The following LINGO2 variants were observed in gnomAD, a reference collection of about 807,000 sequenced individuals.
The protein encoded by LINGO2 is leucine rich repeat and Ig domain containing 2.
A neutral mutation model predicts 30.6 loss-of-function variants in LINGO2; 14 were observed. The ratio of observed to expected loss-of-function variants is 0.46; its 90% CI spans 0.30 to 0.72. The LOEUF is 0.72. LINGO2 is among the 30% of genes least tolerant of loss of function. The probability of loss-of-function intolerance (pLI) is 0.07; values close to 1 mark genes in which losing one functional copy is unlikely to be tolerated. For synonymous variants in LINGO2, 317 were observed against 288.5 expected, an observed-to-expected ratio of 1.10 and a Z score of -1.00; for missense variants, 729 against 751.7, an observed-to-expected ratio of 0.97 and a Z score of 0.35.
At chr9:29,200,486 A>C in the LINGO2 span, among the ~76,000 whole-genome samples, 1 of 152,136 alleles carries the variant, frequency 6.6e-6, no homozygotes, top group Admixed American at 6.6e-5. Context: ...TCAAAATAAA[A>C]ATGAGTAAAA....
the LINGO2 span, among the ~76,000 whole-genome samples, chr9:28,954,638 A>G: frequency 6.6e-6 from 1 of 152,210 alleles, no homozygotes; most frequent in South Asian, 2.1e-4. Flanking sequence ...AGACACAAAT[A>G]ATACCTTAGT....
At chr9:28,607,614 A>G (rs549375719) in intron 1 of LINGO2, among the ~76,000 whole-genome samples, 12 of 152,112 alleles carry the variant, frequency 7.9e-5, no homozygotes, top group African/African-American at 2.9e-4. Context: ...TATAGATAAG[A>G]GTTTCTTCAC....
At chr9:28,555,941 A>G (rs1385288737) in intron 1 of LINGO2, among the ~76,000 whole-genome samples, 2 of 152,118 alleles carry the variant, frequency 1.3e-5, no homozygotes, top group Admixed American at 1.3e-4. Context: ...GACAAAATTC[A>G]ACAGCCCTTC....
intron 2 of LINGO2, among the ~76,000 whole-genome samples, chr9:28,418,275 CTTTTTTT>C (rs3064826): frequency 9.4e-6 from 1 of 106,760 alleles, no homozygotes. Flanking sequence ...AGGCCATGTA[CTTTTTTT>C]TTTTTTTTTT....
intron 2 of LINGO2, among the ~76,000 whole-genome samples, chr9:28,467,304 G>C (rs1239480649): frequency 6.6e-6 from 1 of 151,988 alleles, no homozygotes; most frequent in African/African-American, 2.4e-5. Context: ...TGGGATTACA[G>C]GTGTGAGCCA....
the LINGO2 span, among the ~76,000 whole-genome samples, chr9:28,959,614 A>T: frequency 0.14 from 9,998 of 71,596 alleles, 439 homozygotes; most frequent in East Asian, 0.33. Context: ...TCTCTCCCTC[A>T]CACACACACA....
chr9:29,089,798 A>G, the LINGO2 span, among the ~76,000 whole-genome samples: 4 of 152,046 alleles, frequency 2.6e-5, no homozygotes, highest in African/African-American at 9.7e-5. Flanking sequence ...GAAGTTTCAT[A>G]AGGAAACTAG....
the LINGO2 span, among the ~76,000 whole-genome samples, chr9:28,898,627 A>G: frequency 6.6e-6 from 1 of 152,110 alleles, no homozygotes. Context: ...AAATTTGATG[A>G]TAAGGATAAT....
At chr9:29,153,875 C>T in the LINGO2 span, among the ~76,000 whole-genome samples, 1 of 152,224 alleles carries the variant, frequency 6.6e-6, no homozygotes, top group Non-Finnish European at 1.5e-5. Context: ...CTTTAGAAAA[C>T]TGAACAAATG....
intron 2 of LINGO2, among the ~76,000 whole-genome samples, chr9:28,467,495 C>A (rs926385867): frequency 6.6e-6 from 1 of 152,054 alleles, no homozygotes; most frequent in African/African-American, 2.4e-5. Flanking sequence ...TTTGTTAATG[C>A]TGAAATCATA....
the LINGO2 span, among the ~76,000 whole-genome samples, chr9:28,973,827 G>C: frequency 6.6e-6 from 1 of 152,066 alleles, no homozygotes; most frequent in Admixed American, 6.6e-5. Flanking sequence ...TTAAACAAAC[G>C]CTTTTCCAGA....
At chr9:28,004,157 A>ACTT (rs1438170758) in intron 5 of LINGO2, among the ~76,000 whole-genome samples, 426 of 152,344 alleles carry the variant, frequency 2.8e-3, no homozygotes, top group African/African-American at 9.5e-3. Flanking sequence ...TTTTCTTGAT[A>ACTT]CAGTGGTTTG....
chr9:28,180,223 C>G (rs944731552), intron 4 of LINGO2, among the ~76,000 whole-genome samples: 3 of 152,122 alleles, frequency 2.0e-5, no homozygotes, highest in East Asian at 3.9e-4. Context: ...CATGTGCTAT[C>G]TCCCTCAGGT....
At chr9:28,137,198 G>GACACACACACAC (rs3064725) in intron 4 of LINGO2, among the ~76,000 whole-genome samples, 30 of 148,208 alleles carry the variant, frequency 2.0e-4, no homozygotes, top group South Asian at 1.1e-3. Context: ...GAAAATCCCT[G>GACACACACACAC]ACACACACAC....
intron 5 of LINGO2, among the ~76,000 whole-genome samples, chr9:27,954,353 G>T (rs1314434627): frequency 2.6e-5 from 4 of 151,928 alleles, no homozygotes; most frequent in African/African-American, 9.7e-5. Flanking sequence ...CTTGATCTTG[G>T]CCACAGTTCC....
At chr9:28,607,032 C>G (rs535580251) in intron 1 of LINGO2, among the ~76,000 whole-genome samples, 3 of 151,938 alleles carry the variant, frequency 2.0e-5, no homozygotes, top group Non-Finnish European at 4.4e-5. Flanking sequence ...CATTCAGTAA[C>G]GTCTTTAAAA....
chr9:27,955,285 G>A (rs945140112), intron 5 of LINGO2, among the ~76,000 whole-genome samples: 2 of 152,060 alleles, frequency 1.3e-5, no homozygotes, highest in East Asian at 1.9e-4. Context: ...TGGACTTTTA[G>A]GTAGTAAAGA....
chr9:28,990,626 C>T, the LINGO2 span, among the ~76,000 whole-genome samples: 2 of 152,144 alleles, frequency 1.3e-5, no homozygotes, highest in Admixed American at 6.5e-5. Context: ...CAGACTGACA[C>T]CTCACACGGC....
the LINGO2 span, among the ~76,000 whole-genome samples, chr9:28,921,380 G>A: frequency 1.8e-3 from 273 of 151,990 alleles, no homozygotes; most frequent in African/African-American, 6.1e-3. Flanking sequence ...AATGAGTTTC[G>A]TAGGACCAAT....
Sources: allele counts gnomAD v4.1 joint callset (sites outside exome capture counted in the v4.1 genomes callset), GRCh38; gene constraint gnomAD v4.1.1; transcripts MANE v1.5; gene names NCBI Gene and HGNC (gene_info 2026-07-23, HGNC 2026-07-21).